Variants in ZNF799 observed in about 807,000 individuals in gnomAD.
The protein encoded by ZNF799 is zinc finger protein 14.
In ZNF799, 28 loss-of-function variants were observed where a neutral mutation model predicts 41.0. The ratio of observed to expected loss-of-function variants is 0.68; its 90% CI spans 0.51 to 0.94. ZNF799 has a LOEUF of 0.94. ZNF799 is among the 40% of genes least tolerant of loss of function. The probability of loss-of-function intolerance (pLI) is 0.00; values close to 1 mark genes in which losing one functional copy is unlikely to be tolerated. For missense variants in ZNF799, 716 were observed against 764.3 expected (o/e 0.94, Z 0.74); for synonymous variants, 213 against 252.9 (o/e 0.84, Z 1.50).
In ZNF799 at chr19:12,391,542, A is replaced by G; in HGVS notation, c.856T>C (p.Cys286Arg). Residue 286 changes from cysteine (C) to arginine (R), a missense_variant, in exon 4 of 4, where the codon TGT (cysteine) becomes CGT (arginine). Physicochemically the swap from Cys to Arg is radical, Grantham distance 180. Around this residue, in one of 2 missense-constraint regions of ZNF799, gnomAD observed 698 missense variants for 713.6 expected, o/e 0.98. Transcript: ENST00000430385. ...GTGGAAGCACTGAAGGCTTTCCCAC[A>G]TTGTTTACATGTATAGGGTTTCTTT... ...TGKKPYTCKQ[C>R]GKAFSASTSL... 1.9e-6 allele frequency: 3 copies of G among 1,614,076 alleles called. No homozygotes were observed. The highest frequency in any genetic ancestry group is 2.5e-6 in the Non-Finnish European group (3 of 1,179,990).
chr19:12,412,268 T>C, the ZNF799 span, among the ~76,000 whole-genome samples: 50,672 of 151,978 alleles, frequency 0.33, 9,025 homozygotes, highest in South Asian at 0.51. Flanking sequence ...CTTCAGCTCA[T>C]GAGTCCCCCT....
Position 12,392,074 on chromosome 19 carries a change from A to C in ZNF799, c.324T>G (p.Ser108Arg). ...PGVGPYESRM[S>R]GEVIMGHSSL... ...ATGAATGACCCATGATGACTTCTCC[A>C]CTCATACGGCTTTCATATGGACCTA... The change falls in exon 4 of 4, where the codon AGT (serine) becomes AGG (arginine). Residue 108 changes from serine (S) to arginine (R), a missense_variant. Around this residue, in one of 2 missense-constraint regions of ZNF799, gnomAD observed 698 missense variants for 713.6 expected, o/e 0.98. Coordinates refer to ENST00000430385, the MANE Select transcript of ZNF799 (RefSeq NM_001080821.3). 5.0e-6 allele frequency: 8 copies of C among 1,614,144 alleles called. No homozygotes were observed. The highest frequency in any genetic ancestry group is 6.8e-6 in the Non-Finnish European group (8 of 1,180,016).
In ZNF799 at chr19:12,390,960, C is replaced by A; in HGVS notation, c.1438G>T (p.Glu480Ter). Residue 480 changes from glutamate to a stop codon, truncating the protein, a stop_gained, in exon 4 of 4, where the codon GAA becomes TAA. Transcript: ENST00000430385. LOFTEE classifies it high-confidence loss of function. ...AAACAACTGAATGCTTTCCCACATT[C>A]CTTACACTCATATGGCTTCTCTCCA... ...HAGEKPYECK[E>*]CGKAFSCFQY... 6.2e-7 allele frequency: 1 copy of A among 1,613,944 alleles called. No individual in the cohort carries two copies. The highest frequency in any genetic ancestry group is 8.5e-7 in the Non-Finnish European group (1 of 1,179,958).
At chr19:12,405,229 A>G (rs1188454206), upstream of ZNF799, among the ~76,000 whole-genome samples, 1 of 151,904 alleles carries the variant, frequency 6.6e-6, no homozygotes, top group Non-Finnish European at 1.5e-5. Flanking sequence ...TTATATATAT[A>G]TATATATCCT....
intron 1 of ZNF799, among the ~76,000 whole-genome samples, chr19:12,396,683 A>G (rs1485014028): frequency 6.6e-6 from 1 of 151,978 alleles, no homozygotes; most frequent in Non-Finnish European, 1.5e-5. Context: ...GCCATATAGA[A>G]TTTATGCAGC....
intron 1 of ZNF799, chr19:12,400,205 C>T (rs530700108): frequency 6.6e-6 from 1 of 152,556 alleles, no homozygotes; most frequent in Non-Finnish European, 1.5e-5. Context: ...GAAACGGTCG[C>T]CCTTGGAAAG....
Position 12,401,073 on chromosome 19 carries a change from C to A in ZNF799, c.-3G>T. 1 of 1,613,992 alleles carries A rather than the reference C, an allele frequency of 6.2e-7. No individual in the cohort carries two copies. Among genetic ancestry groups the A allele is most frequent in the Non-Finnish European group, 8.5e-7 (1 of 1,179,904 alleles). ...CGCCGGCCCAGCACACGCACCATTT[C>A]CCGACTTCCGCGGTGTCCCAGGTCC... On this transcript the variant is annotated 5_prime_UTR_variant, in exon 1 of 4. Transcript: ENST00000430385.
At position 12,392,161 on chromosome 19, in the gene ZNF799, T is replaced by C. The variant is rs1969834952; in HGVS notation, c.237A>G (p.Gln79=). Residue 79 remains glutamine, a synonymous_variant, in exon 4 of 4, where the codon CAA becomes CAG. Transcript: ENST00000430385. ...GAATCTGGCTAGATGTTTCTCCACA[T>C]TGAGTTCCATCTTTACTTTCAACAA... The part of the protein sequence containing the change: ...ERFVESKDGT[Q]CGETSSQIQD... 2 of 1,600,596 alleles carry C rather than the reference T, an allele frequency of 1.2e-6. No homozygotes were observed. Among genetic ancestry groups the C allele is most frequent in the Non-Finnish European group, 1.7e-6 (2 of 1,172,606 alleles).
the ZNF799 span, among the ~76,000 whole-genome samples, chr19:12,407,672 C>T: frequency 2.0e-5 from 3 of 152,086 alleles, no homozygotes; most frequent in Admixed American, 2.0e-4. Flanking sequence ...ATAATATCAA[C>T]AATGTATTGG....
the ZNF799 span, among the ~76,000 whole-genome samples, chr19:12,410,254 CATATATATATATATAT>C: frequency 1.1e-3 from 70 of 61,998 alleles, 2 homozygotes; most frequent in East Asian, 3.5e-3. Flanking sequence ...TGTCTGTGTG[CATATATATATATATAT>C]ATATATATAT....
Position 12,391,782 on chromosome 19 carries a change from A to T in ZNF799, c.616T>A (p.Phe206Ile), listed in dbSNP as rs1323374886. 2 of 1,614,006 alleles carry T rather than the reference A, an allele frequency of 1.2e-6. No individual in the cohort carries two copies. Among genetic ancestry groups the T allele is most frequent in the African/African-American group, 2.7e-5 (2 of 74,920 alleles). ...PYKCKLCGKA[F>I]FWPSLLHMHE... ...ATATGTAATAAACTGGGCCAAAAAAACGCTTTCCCACACAACTTACATTTA... is the reference window on the plus strand; with the variant it reads ...ATATGTAATAAACTGGGCCAAAAAATCGCTTTCCCACACAACTTACATTTA... The change falls in exon 4 of 4, where the codon TTT becomes ATT. Residue 206 changes from phenylalanine (F) to isoleucine (I), a missense_variant. Transcript: ENST00000430385.
chr19:12,404,016 A>G (rs368215076), upstream of ZNF799, among the ~76,000 whole-genome samples: 44 of 152,360 alleles, frequency 2.9e-4, no homozygotes, highest in African/African-American at 1.0e-3. Context: ...CCAATTGGTC[A>G]TTCAGAAGCA....
chr19:12,400,997 A>C (rs1969974220), intron 1 of ZNF799, 71 bp downstream of exon 1: 1 of 1,613,374 alleles, frequency 6.2e-7, no homozygotes, highest in Admixed American at 1.7e-5. Flanking sequence ...GCCCGGGTCC[A>C]GCCACAGCCG....
chr19:12,395,321 T>C lies in ZNF799; in HGVS notation c.4-1898A>G, dbSNP rs539440804. On this transcript the variant is annotated intron_variant, in intron 1 of 3. Coordinates refer to ENST00000430385, the MANE Select transcript of ZNF799 (RefSeq NM_001080821.3). ...CACATCCGGCCAACTTTTGTATTTT[T>C]ACTAGAGACGGGGTTTCACCCTGTT... Among the ~76,000 whole-genome samples, 31 of 152,172 alleles carry C rather than the reference T, an allele frequency of 2.0e-4. 1 individual carries two copies. Among genetic ancestry groups the C allele is most frequent in the Non-Finnish European group, 3.2e-4 (22 of 68,006 alleles).
intron 1 of ZNF799, 122 bp downstream of exon 1, chr19:12,400,946 G>C: frequency 6.3e-7 from 1 of 1,584,476 alleles, no homozygotes; most frequent in Non-Finnish European, 8.7e-7. Flanking sequence ...CCTACGCCAG[G>C]GGAACCCGGG....
At chr19:12,394,762 G>A in intron 1 of ZNF799, 1 of 985,134 alleles carries the variant, frequency 1.0e-6, no homozygotes, top group Non-Finnish European at 1.2e-6. Context: ...AAATCTTTTA[G>A]TAGTCAACAA....
At chr19:12,414,218 GAAC>G in the ZNF799 span, among the ~76,000 whole-genome samples, 2 of 152,178 alleles carry the variant, frequency 1.3e-5, no homozygotes, top group Admixed American at 6.5e-5. Context: ...GCCCCCTGGG[GAAC>G]TCAGTGACAG....
At chr19:12,396,204 A>C (rs1411097293) in intron 1 of ZNF799, among the ~76,000 whole-genome samples, 1 of 152,256 alleles carries the variant, frequency 6.6e-6, no homozygotes, top group African/African-American at 2.4e-5. Context: ...AATTGAGATA[A>C]GCCATCTCTG....
At chr19:12,393,565 C>G in intron 1 of ZNF799, 142 bp from the exon 2 acceptor site, 1 of 1,417,722 alleles carries the variant, frequency 7.1e-7, no homozygotes, top group African/African-American at 1.5e-5. Flanking sequence ...TATTCTCTGT[C>G]TACACTCACT....
Sources: allele counts gnomAD v4.1 joint callset (sites outside exome capture counted in the v4.1 genomes callset), GRCh38; gene constraint gnomAD v4.1.1; regional missense constraint gnomAD v4.1.1; transcripts MANE v1.5; gene names NCBI Gene and HGNC (gene_info 2026-07-23, HGNC 2026-07-21).